Variants in CACNA2D3 observed in about 807,000 individuals in gnomAD.
CACNA2D3 encodes the protein voltage-dependent calcium channel subunit alpha-2/delta-3.
CACNA2D3 carries 60 observed loss-of-function variants against 160.6 expected under a neutral mutation model. That is an observed-to-expected ratio of 0.37 (90% confidence interval 0.30 to 0.46). CACNA2D3 has a LOEUF of 0.46. Among genes scored for constraint, CACNA2D3 ranks in the 20% least tolerant of loss-of-function variants. The pLI is 1.00. For missense variants in CACNA2D3, 1,205 were observed against 1,365.0 expected (o/e 0.88, Z 1.85); for synonymous variants, 558 against 492.9 (o/e 1.13, Z -1.75).
chr3:54,854,526 AT>A (rs376279924), intron 17 of CACNA2D3, among the ~76,000 whole-genome samples: 10 of 151,900 alleles, frequency 6.6e-5, no homozygotes, highest in African/African-American at 2.4e-4. Flanking sequence ...TCCCACAGGT[AT>A]TTTTTTTATT....
At chr3:54,378,105 T>C (rs2107554455) in intron 3 of CACNA2D3, among the ~76,000 whole-genome samples, 1 of 152,248 alleles carries the variant, frequency 6.6e-6, no homozygotes, top group South Asian at 2.1e-4. Flanking sequence ...TCAGAGGCCT[T>C]GGTGATAGGA....
intron 11 of CACNA2D3, among the ~76,000 whole-genome samples, chr3:54,667,491 A>G (rs879685232): frequency 1.3e-5 from 2 of 152,172 alleles, no homozygotes; most frequent in Non-Finnish European, 2.9e-5. Flanking sequence ...TTCCTGTTCC[A>G]TCAGAGACAA....
chr3:54,794,337 C>T (rs931114375), intron 13 of CACNA2D3, among the ~76,000 whole-genome samples: 14 of 152,064 alleles, frequency 9.2e-5, no homozygotes, highest in African/African-American at 3.1e-4. Context: ...CTGCAATGCC[C>T]CCCTTTCACA....
intron 9 of CACNA2D3, among the ~76,000 whole-genome samples, chr3:54,627,429 G>A (rs1030047263): frequency 6.6e-6 from 1 of 152,158 alleles, no homozygotes; most frequent in Non-Finnish European, 1.5e-5. Context: ...CCCAGTGGAG[G>A]GGTGCATATG....
chr3:54,852,149 C>T (rs1699072195), intron 17 of CACNA2D3, among the ~76,000 whole-genome samples: 1 of 152,234 alleles, frequency 6.6e-6, no homozygotes, highest in Non-Finnish European at 1.5e-5. Flanking sequence ...CCCCTCCCTC[C>T]CTCCCAGGCT....
chr3:54,678,230 G>C (rs1422422960), intron 11 of CACNA2D3, among the ~76,000 whole-genome samples: 1 of 152,156 alleles, frequency 6.6e-6, no homozygotes, highest in African/African-American at 2.4e-5. Context: ...AGAAGTAGTG[G>C]TGTGGTTATG....
intron 11 of CACNA2D3, among the ~76,000 whole-genome samples, chr3:54,714,575 A>T (rs1264486698): frequency 6.6e-6 from 1 of 152,160 alleles, no homozygotes; most frequent in African/African-American, 2.4e-5. Flanking sequence ...AGTGGGTTTC[A>T]CTTAGAGCTA....
intron 31 of CACNA2D3, among the ~76,000 whole-genome samples, chr3:54,996,363 A>G (rs1222658593): frequency 6.6e-6 from 1 of 152,184 alleles, no homozygotes; most frequent in Non-Finnish European, 1.5e-5. Context: ...CTTCAGTTTC[A>G]TAAGTGAAGC....
intron 35 of CACNA2D3, among the ~76,000 whole-genome samples, chr3:55,039,477 C>G (rs1703912496): frequency 6.6e-6 from 1 of 152,182 alleles, no homozygotes; most frequent in Admixed American, 6.5e-5. Flanking sequence ...GGAATGAACC[C>G]TGTGTACCCA....
At chr3:54,687,567 C>T (rs1427311871) in intron 11 of CACNA2D3, among the ~76,000 whole-genome samples, 1 of 151,838 alleles carries the variant, frequency 6.6e-6, no homozygotes, top group Non-Finnish European at 1.5e-5. Context: ...GTTGATATGC[C>T]CAAAAGTTTT....
chr3:55,021,625 G>GTATATATATA (rs61298986), intron 35 of CACNA2D3, among the ~76,000 whole-genome samples: 135 of 131,488 alleles, frequency 1.0e-3, no homozygotes, highest in African/African-American at 3.5e-3. Context: ...ATGTGTGTGT[G>GTATATATATA]TATATATATA....
intron 4 of CACNA2D3, among the ~76,000 whole-genome samples, chr3:54,475,519 CT>C (rs142603937): frequency 0.026 from 3,889 of 152,120 alleles, 73 homozygotes; most frequent in Non-Finnish European, 0.042. Flanking sequence ...AGTCAACATA[CT>C]TGGGAGGTCT....
intron 2 of CACNA2D3, among the ~76,000 whole-genome samples, chr3:54,166,179 A>G (rs765885385): frequency 1.5e-4 from 23 of 152,144 alleles, no homozygotes; most frequent in Non-Finnish European, 2.8e-4. Context: ...CTGTCTCAAC[A>G]TTTCAAAGAG....
At chr3:54,191,193 A>C (rs955637332) in intron 2 of CACNA2D3, among the ~76,000 whole-genome samples, 1 of 152,192 alleles carries the variant, frequency 6.6e-6, no homozygotes, top group African/African-American at 2.4e-5. Context: ...CCTGAAGCTT[A>C]GATGCAGCAG....
In CACNA2D3 at chr3:54,123,575, G is replaced by C. The variant is rs762994292; in HGVS notation, c.185G>C (p.Gly62Ala). The change falls in exon 2 of 38, where the codon GGT becomes GCT. Residue 62 changes from glycine (G) to alanine (A), a missense_variant. This residue lies in a region of CACNA2D3 where 163 missense variants were observed against 161.3 expected (regional missense o/e 1.01). Transcript: ENST00000474759. ...AAATCCATTGCTGCTAAGTACTCCG[G>C]TTCCCAGCTTCTGCAAAAGGTAAGG... ...EIKSIAAKYS[G>A]SQLLQKKYKE... The C allele has an allele frequency of 2.5e-6, 4 of 1,613,754 alleles. No homozygotes were observed. The highest frequency in any genetic ancestry group is 3.4e-6 in the Non-Finnish European group (4 of 1,179,762).
chr3:54,236,389 C>T (rs1701876125), intron 2 of CACNA2D3, among the ~76,000 whole-genome samples: 1 of 152,156 alleles, frequency 6.6e-6, no homozygotes. Flanking sequence ...ACAGAGGAAA[C>T]TGGGCGTGCG....
At chr3:54,695,370 G>T (rs1357129364) in intron 11 of CACNA2D3, among the ~76,000 whole-genome samples, 2 of 146,168 alleles carry the variant, frequency 1.4e-5, no homozygotes, top group African/African-American at 2.5e-5. Flanking sequence ...TTCAAGTTTA[G>T]TTTTTTTTTT....
intron 35 of CACNA2D3, among the ~76,000 whole-genome samples, chr3:55,038,889 T>C (rs868521099): frequency 1.6e-5 from 2 of 128,032 alleles, no homozygotes; most frequent in Admixed American, 1.5e-4. Context: ...TATATATATA[T>C]ATATATATAT....
chr3:54,141,828 T>C (rs913554658), intron 2 of CACNA2D3, among the ~76,000 whole-genome samples: 10 of 152,250 alleles, frequency 6.6e-5, no homozygotes, highest in African/African-American at 1.4e-4. Context: ...TCCATTCATT[T>C]ATTCATTCGT....
Sources: gnomAD v4.1 joint callset for allele counts (sites outside exome capture counted in the v4.1 genomes callset) on GRCh38, gnomAD v4.1.1 for gene constraint, gnomAD v4.1.1 regional missense constraint, MANE v1.5 for transcripts, NCBI Gene and HGNC (gene_info 2026-07-23, HGNC 2026-07-21) for gene names.